The following SYNE2 variants were observed in gnomAD, a reference collection of about 807,000 sequenced individuals.
The protein encoded by SYNE2 is nesprin-2.
In SYNE2, 431 loss-of-function variants were observed where a neutral mutation model predicts 856.3. That is an observed-to-expected ratio of 0.50 (90% CI 0.47 to 0.55). SYNE2 has a LOEUF of 0.55. Ranked by LOEUF, SYNE2 falls within the 20% of genes least tolerant of loss-of-function variation. SYNE2 has a pLI of 0.00. For synonymous variants in SYNE2, 2,923 were observed against 2,872.3 expected (o/e 1.02, Z -0.56); for missense variants, 8,129 against 8,023.2 (o/e 1.01, Z -0.50).
At chr14:63,762,199 G>A (rs536583817) in intron 1 of SYNE2, 16 of 233,720 alleles carry the variant, frequency 6.8e-5, no homozygotes, top group South Asian at 4.6e-4. Flanking sequence ...TTGGGAGACC[G>A]AGGCAGGCGA....
In SYNE2 at chr14:63,909,227, G is replaced by T; in HGVS notation, c.79G>T (p.Ala27Ser). The change falls in exon 2 of 116, where the codon GCT becomes TCT. Residue 27 changes from alanine (A) to serine (S), a missense_variant and splice_region_variant. Around this residue, in one of 3 missense-constraint regions of SYNE2, gnomAD observed 2,422 missense variants for 2,357.4 expected, o/e 1.03. Coordinates refer to ENST00000555002, the MANE Select transcript of SYNE2 (RefSeq NM_182914.3). ...GIDDLHISLQ[A>S]EQEDTQKKAF... ...CGACGATCTCCATATTTCATTGCAA[G>T]GTAATTAAGATTGGGTGGGGGTAAC... The T allele has an allele frequency of 6.2e-7, 1 of 1,609,796 alleles. No homozygotes were observed. The highest frequency in any genetic ancestry group is 1.3e-5 in the African/African-American group (1 of 74,604).
chr14:64,078,421 G>T (rs1380206798), intron 54 of SYNE2, 45 bp from the exon 55 acceptor site: 8 of 1,609,794 alleles, frequency 5.0e-6, no homozygotes, highest in East Asian at 2.2e-5. Context: ...TGAATAAAGT[G>T]CAGACAACCT....
intron 7 of SYNE2, among the ~76,000 whole-genome samples, chr14:63,954,347 GCAT>G (rs1420566595): frequency 3.3e-5 from 5 of 152,180 alleles, no homozygotes; most frequent in African/African-American, 1.2e-4. Context: ...GTAATGAAGG[GCAT>G]CAATCTTGAG....
chr14:63,985,692 A>T (rs558531226), intron 18 of SYNE2, among the ~76,000 whole-genome samples: 2 of 152,310 alleles, frequency 1.3e-5, no homozygotes, highest in African/African-American at 4.8e-5. Context: ...ACTTTTTAAA[A>T]ATTTGCAAAG....
chr14:63,773,322 C>A (rs1217181050), intron 1 of SYNE2, among the ~76,000 whole-genome samples: 5 of 152,008 alleles, frequency 3.3e-5, no homozygotes, highest in African/African-American at 1.2e-4. Context: ...ACCTCAGGCC[C>A]CTAAGTAGCT....
Position 64,052,766 on chromosome 14 carries a change from A to G in SYNE2, c.8853A>G (p.Lys2951=), listed in dbSNP as rs1196914698. 2 of 1,612,560 alleles carry G rather than the reference A, an allele frequency of 1.2e-6. No individual in the cohort carries two copies. The highest frequency in any genetic ancestry group is 1.7e-5 in the Admixed American group (1 of 59,746). Residue 2951 remains lysine, a synonymous_variant, in exon 48 of 116, where the codon AAA becomes AAG. Coordinates refer to ENST00000555002, the MANE Select transcript of SYNE2 (RefSeq NM_182914.3). ...KIKFCRQFHE[K]TSALQEEADS... ...AGTTTTGCAGACAATTCCATGAAAA[A>G]ACATCAGCGCTTCAGGAGGAGGCTG...
At chr14:64,061,845 C>G (rs1260724603) in intron 49 of SYNE2, among the ~76,000 whole-genome samples, 1 of 152,144 alleles carries the variant, frequency 6.6e-6, no homozygotes, top group Non-Finnish European at 1.5e-5. Flanking sequence ...TGGTCTGTCC[C>G]CCACCTTTCA....
At chr14:64,173,925 C>T (rs987796798) in intron 94 of SYNE2, 8 of 696,380 alleles carry the variant, frequency 1.1e-5, no homozygotes, top group South Asian at 6.0e-5. Context: ...GGTGTGGTGG[C>T]GCATCTCTTA....
chr14:64,136,956 A>T (rs1266762713), intron 78 of SYNE2, among the ~76,000 whole-genome samples: 2 of 152,226 alleles, frequency 1.3e-5, no homozygotes, highest in Non-Finnish European at 2.9e-5. Context: ...TAGAGCCAGC[A>T]GCTGCTGCTC....
chr14:64,195,158 G>C (rs2098535469), intron 99 of SYNE2, among the ~76,000 whole-genome samples: 1 of 152,166 alleles, frequency 6.6e-6, no homozygotes, highest in Non-Finnish European at 1.5e-5. Flanking sequence ...TGAATAATCT[G>C]ATGAAAGCGT....
chr14:64,122,588 C>T (rs775678496), intron 70 of SYNE2, 161 bp downstream of exon 70: 22 of 896,508 alleles, frequency 2.5e-5, no homozygotes, highest in Non-Finnish European at 3.7e-5. Flanking sequence ...CATTAGGAAC[C>T]CTTCCTTTGT....
At chr14:63,974,915 T>TATATATATATATATATATATAG (rs2096529169) in intron 11 of SYNE2, among the ~76,000 whole-genome samples, 1 of 62,670 alleles carries the variant, frequency 1.6e-5, no homozygotes, top group African/African-American at 6.5e-5. Flanking sequence ...TATATATATA[T>TATATATATATATATATATATAG]ATGTATCTTG....
chr14:64,026,769 T>C, intron 42 of SYNE2, 39 bp downstream of exon 42: 2 of 1,579,554 alleles, frequency 1.3e-6, no homozygotes, highest in Non-Finnish European at 1.7e-6. Context: ...CATATCCCAT[T>C]GCCCAGTGAA....
Position 64,070,782 on chromosome 14 carries a change from GCAA to G in SYNE2, c.10572_10574del (p.Gln3525del), listed in dbSNP as rs1238748071. On this transcript the variant is annotated inframe_deletion, in exon 52 of 116. Transcript: ENST00000555002. ...GCCAATATGGAGAGAACGTGGAGAA[GCAA>G]CAGCTGTTACTGACTCTACTTCTTC... 1 of 1,614,202 alleles carries G rather than the reference GCAA, an allele frequency of 6.2e-7. No individual in the cohort carries two copies. Among genetic ancestry groups the G allele is most frequent in the Admixed American group, 1.7e-5 (1 of 60,036 alleles).
chr14:63,960,551 T>C (rs1313999617), intron 8 of SYNE2, among the ~76,000 whole-genome samples: 1 of 152,162 alleles, frequency 6.6e-6, no homozygotes, highest in Admixed American at 6.5e-5. Flanking sequence ...ATTTATTGGC[T>C]CTCTGTAAAT....
chr14:64,171,771 G>C (rs1318087769), intron 94 of SYNE2, among the ~76,000 whole-genome samples: 1 of 152,212 alleles, frequency 6.6e-6, no homozygotes, highest in Non-Finnish European at 1.5e-5. Flanking sequence ...GGGTGTGGCA[G>C]CTGGATTACC....
rs1360896563 is a variant in SYNE2 at position 63,981,437 on chromosome 14, A to C, written c.1836+264A>C. Among the ~76,000 whole-genome samples, 3 of 152,220 alleles carry C rather than the reference A, an allele frequency of 2.0e-5. No individual in the cohort carries two copies. In the East Asian group the frequency reaches 5.8e-4, roughly 29 times the overall value. On this transcript the variant is annotated intron_variant, in intron 16 of 115. Transcript: ENST00000555002. ...ATAGAGCTTTCTTAAGGTATAATTTACATACAGAGTAATAGCTTTTGGGAG... is the reference window on the plus strand; with the variant it reads ...ATAGAGCTTTCTTAAGGTATAATTTCCATACAGAGTAATAGCTTTTGGGAG...
At chr14:64,063,585 C>T (rs566758667) in intron 50 of SYNE2, among the ~76,000 whole-genome samples, 1 of 152,330 alleles carries the variant, frequency 6.6e-6, no homozygotes, top group African/African-American at 2.4e-5. Context: ...ATTCTGGTTA[C>T]TTCTTAGACT....
rs1407691142 is a variant in SYNE2, at chr14:64,016,553, T to C, written c.4809T>C (p.Phe1603=). The C allele has an allele frequency of 5.0e-6, 8 of 1,604,240 alleles. No homozygotes were observed. The highest frequency in any genetic ancestry group is 6.0e-6 in the Non-Finnish European group (7 of 1,173,856). The change falls in exon 33 of 116, where the codon TTT becomes TTC. Residue 1603 remains phenylalanine (F), a synonymous_variant. Transcript: ENST00000555002. ...KINQVCKNLQ[F]YLNKMKTFEE... The stretch of plus-strand genomic sequence containing the variant: ...ACCAGGTCTGCAAAAATCTACAATT[T>C]TATCTAAATAAAATGAAAACTTTTG...
Sources: gnomAD v4.1 joint callset for allele counts (sites outside exome capture counted in the v4.1 genomes callset) on GRCh38, gnomAD v4.1.1 for gene constraint, gnomAD v4.1.1 regional missense constraint, MANE v1.5 for transcripts, NCBI Gene and HGNC (gene_info 2026-07-23, HGNC 2026-07-21) for gene names.